Variants in ADRA1A observed in about 807,000 individuals in gnomAD.
ADRA1A encodes the protein adrenoceptor alpha 1A.
Under a neutral mutation model 29.6 loss-of-function variants are expected in ADRA1A, and 31 were observed. The ratio of observed to expected loss-of-function variants is 1.05; its 90% CI spans 0.79 to 1.41. ADRA1A has a LOEUF of 1.41. Among genes scored for constraint, ADRA1A ranks in the 40% most tolerant of loss-of-function variants. ADRA1A has a pLI of 0.00. For synonymous variants in ADRA1A, 311 were observed against 254.3 expected, an observed-to-expected ratio of 1.22 and a Z score of -2.12; for missense variants, 619 against 601.1, an observed-to-expected ratio of 1.03 and a Z score of -0.31.
Position 26,825,752 on chromosome 8 carries a change from C to G in ADRA1A, c.883+38335G>C, listed in dbSNP as rs1810511026. On this transcript the variant is annotated intron_variant, in intron 2 of 2. Transcript: ENST00000380573. The surrounding 1 kb of genome is among the most constrained non-coding windows in gnomAD (Gnocchi z 5.7). Reference sequence around the variant, plus strand: ...ATACTCTCCCTCCTGATTTAACAATCCTTAAGGAACAGTCTCCCTTGTATC... The same window carrying G: ...ATACTCTCCCTCCTGATTTAACAATGCTTAAGGAACAGTCTCCCTTGTATC... Among the ~76,000 whole-genome samples the G allele has an allele frequency of 6.6e-6, 1 of 152,210 alleles. No homozygotes were observed. Among genetic ancestry groups the G allele is most frequent in the South Asian group, 2.1e-4 (1 of 4,830 alleles).
intron 2 of ADRA1A, among the ~76,000 whole-genome samples, chr8:26,790,331 T>A (rs977024513): frequency 6.6e-6 from 1 of 152,072 alleles, no homozygotes; most frequent in African/African-American, 2.4e-5. Flanking sequence ...TGGAGGACAC[T>A]GTGTTAGGTG....
chr8:26,811,337 C>T (rs949641318), intron 2 of ADRA1A, among the ~76,000 whole-genome samples: 4 of 152,156 alleles, frequency 2.6e-5, no homozygotes, highest in African/African-American at 9.7e-5. Context: ...GGACTACAGG[C>T]GCCTGCCACC....
chr8:26,808,687 TCTCTCCTA>T (rs1809170796), intron 2 of ADRA1A, among the ~76,000 whole-genome samples: 1 of 152,250 alleles, frequency 6.6e-6, no homozygotes, highest in South Asian at 2.1e-4. Context: ...TGTCACATTC[TCTCTCCTA>T]CTCACTAAGA....
chr8:26,845,501 G>A (rs1199691500), intron 2 of ADRA1A, among the ~76,000 whole-genome samples: 4 of 152,142 alleles, frequency 2.6e-5, no homozygotes, highest in African/African-American at 4.8e-5. Flanking sequence ...AAACTGGGGC[G>A]TTTGCTGTGA....
chr8:26,752,943 G>A (rs73229698), downstream of ADRA1A, among the ~76,000 whole-genome samples: 10,682 of 152,292 alleles, frequency 0.07, 411 homozygotes, highest in African/African-American at 0.077. Context: ...TTGAGAAGAG[G>A]AAATGAGGAT....
chr8:26,750,150 G>A (rs969197512), intron 2 of ADRA1A, among the ~76,000 whole-genome samples: 6 of 152,132 alleles, frequency 3.9e-5, no homozygotes, highest in African/African-American at 1.4e-4. Context: ...CCGTCTCCTC[G>A]CTGGAACCTC....
intron 2 of ADRA1A, among the ~76,000 whole-genome samples, chr8:26,814,741 A>T (rs1809647204): frequency 6.6e-6 from 1 of 152,198 alleles, no homozygotes; most frequent in Non-Finnish European, 1.5e-5. Context: ...CCAAATGATA[A>T]TGGTGGTTAC....
At position 26,769,197 on chromosome 8, in the gene ADRA1A, G is replaced by T; in HGVS notation, c.*952C>A. The T allele has an allele frequency of 1.0e-6, 1 of 985,380 alleles. No individual in the cohort carries two copies. The highest frequency in any genetic ancestry group is 4.7e-5 in the South Asian group (1 of 21,286). The allele number at this position is 985,380 out of a possible 1,614,324, so 61.0% of individuals were successfully genotyped here. ...ATTTTCATAACAGAGTTCTGGAACAGGTAAGTGATTTGTCAAGAAAGGCTT... is the reference window on the plus strand; with the variant it reads ...ATTTTCATAACAGAGTTCTGGAACATGTAAGTGATTTGTCAAGAAAGGCTT... On this transcript the variant is annotated 3_prime_UTR_variant, in exon 3 of 3. Transcript: ENST00000380573.
At chr8:26,755,441 TG>T (rs1805117907), downstream of ADRA1A, among the ~76,000 whole-genome samples, 1 of 151,996 alleles carries the variant, frequency 6.6e-6, no homozygotes, top group Non-Finnish European at 1.5e-5. Context: ...ACTTGGGCAA[TG>T]GGGGTTTGTA....
chr8:26,809,216 A>C (rs569839469), intron 2 of ADRA1A, among the ~76,000 whole-genome samples: 27 of 152,206 alleles, frequency 1.8e-4, no homozygotes, highest in African/African-American at 6.3e-4. Context: ...ACTATTGTCC[A>C]GATATACTAT....
intron 2 of ADRA1A, among the ~76,000 whole-genome samples, chr8:26,804,169 C>T (rs1808801883): frequency 6.6e-6 from 1 of 151,978 alleles, no homozygotes. Flanking sequence ...GATCCTCCTG[C>T]CTTGGCCCCC....
chr8:26,840,677 A>G (rs1811756464), intron 2 of ADRA1A, among the ~76,000 whole-genome samples: 1 of 152,166 alleles, frequency 6.6e-6, no homozygotes, highest in African/African-American at 2.4e-5. Context: ...TAAATAGCTA[A>G]AACAGGAAGT....
chr8:26,755,399 AAGAAG>A (rs1805115696), downstream of ADRA1A, among the ~76,000 whole-genome samples: 1 of 152,086 alleles, frequency 6.6e-6, no homozygotes, highest in African/African-American at 2.4e-5. Flanking sequence ...AAAGAGTGAG[AAGAAG>A]AGCAGTTGTG....
At chr8:26,772,883 A>ACACACACACACACATG (rs79239280) in intron 2 of ADRA1A, among the ~76,000 whole-genome samples, 2 of 151,610 alleles carry the variant, frequency 1.3e-5, no homozygotes, top group Admixed American at 6.6e-5. Flanking sequence ...ACACACACAC[A>ACACACACACACACATG]ATGGGTGTTT....
chr8:26,830,962 A>G (rs1431355831), intron 2 of ADRA1A, among the ~76,000 whole-genome samples: 1 of 152,148 alleles, frequency 6.6e-6, no homozygotes, highest in African/African-American at 2.4e-5. Context: ...ACTGGATGAA[A>G]GCCCCAGATA....
intron 2 of ADRA1A, chr8:26,854,426 G>GGC (rs1554512975): frequency 4.2e-5 from 5 of 118,264 alleles, no homozygotes; most frequent in South Asian, 3.8e-4. Flanking sequence ...AGCGGGGCGG[G>GGC]GGGGGGGAGC....
chr8:26,802,998 C>T (rs1415848165), intron 2 of ADRA1A, among the ~76,000 whole-genome samples: 1 of 152,078 alleles, frequency 6.6e-6, no homozygotes, highest in Non-Finnish European at 1.5e-5. Context: ...CTCATGTTGT[C>T]ATCTATTTTG....
intron 2 of ADRA1A, among the ~76,000 whole-genome samples, chr8:26,855,751 G>C (rs1385753655): frequency 1.3e-5 from 2 of 152,014 alleles, no homozygotes; most frequent in Non-Finnish European, 2.9e-5. Context: ...AAAAAAATAA[G>C]AAAAGAAAAG....
At chr8:26,749,751 G>A (rs1388915879) in intron 2 of ADRA1A, among the ~76,000 whole-genome samples, 1 of 152,086 alleles carries the variant, frequency 6.6e-6, no homozygotes, top group East Asian at 1.9e-4. Flanking sequence ...ACTCCTCCAT[G>A]GCCAGCCCAA....
Sources: allele counts gnomAD v4.1 joint callset (sites outside exome capture counted in the v4.1 genomes callset), GRCh38; gene constraint gnomAD v4.1.1; non-coding constraint Gnocchi (gnomAD v3.1); transcripts MANE v1.5; gene names NCBI Gene and HGNC (gene_info 2026-07-23, HGNC 2026-07-21).